DCDC2C: variants seen among roughly 807,000 people sequenced by gnomAD.
DCDC2C encodes the protein doublecortin domain containing 2C.
DCDC2C carries 44 observed loss-of-function variants against 45.0 expected under a neutral mutation model. The observed-to-expected ratio is 0.98, with a 90% CI of 0.77 to 1.26. DCDC2C has a LOEUF of 1.26. Among genes scored for constraint, DCDC2C ranks in the 50% most tolerant of loss-of-function variants. DCDC2C has a pLI of 0.00. For missense variants in DCDC2C, 447 were observed against 468.9 expected, an observed-to-expected ratio of 0.95 and a Z score of 0.43; for synonymous variants, 187 against 178.8, an observed-to-expected ratio of 1.05 and a Z score of -0.37.
In DCDC2C at chr2:3,703,625, G is replaced by T. The variant is rs1667933623; in HGVS notation, c.-127G>T. ...CCCGTCCCGTCCCCGTCCCGTCCCC[G>T]TCCTGCGCCAGCGGCTGGAGCGGAC... On this transcript the variant is annotated 5_prime_UTR_variant, in exon 1 of 11. Coordinates refer to ENST00000399143, the MANE Select transcript of DCDC2C (RefSeq NM_001287444.2). The surrounding 1 kb of genome is among the most constrained non-coding windows in gnomAD (Gnocchi z 4.4). 1.0e-6 allele frequency: 1 copy of T among 957,514 alleles called. No homozygotes were observed. Among genetic ancestry groups the T allele is most frequent in the East Asian group, 3.7e-5 (1 of 27,152 alleles). 59.3% of individuals were successfully genotyped at this position (957,514 alleles called of 1,614,324 possible).
chr2:3,834,785 AAG>A (rs1189814195), intron 10 of DCDC2C, among the ~76,000 whole-genome samples: 2 of 152,198 alleles, frequency 1.3e-5, no homozygotes, highest in African/African-American at 4.8e-5. Flanking sequence ...ACAGAATGAA[AAG>A]AGTCTGGCCC....
chr2:3,795,209 GTTGT>G (rs1419255723), intron 10 of DCDC2C, among the ~76,000 whole-genome samples: 2 of 151,954 alleles, frequency 1.3e-5, no homozygotes, highest in Admixed American at 6.6e-5. Flanking sequence ...TTTTGATGGG[GTTGT>G]TTGTTTTTTT....
At chr2:3,801,564 A>T (rs1202972048) in intron 10 of DCDC2C, among the ~76,000 whole-genome samples, 1 of 152,258 alleles carries the variant, frequency 6.6e-6, no homozygotes, top group Non-Finnish European at 1.5e-5. Flanking sequence ...GAAAAATGAC[A>T]GTTGTATTTA....
At chr2:3,841,704 G>A (rs1392436393) in intron 10 of DCDC2C, among the ~76,000 whole-genome samples, 2 of 152,204 alleles carry the variant, frequency 1.3e-5, no homozygotes, top group Non-Finnish European at 2.9e-5. Context: ...GCAGGAGGGC[G>A]CTAAGTTAGC....
chr2:3,806,328 G>A (rs1191541689), intron 10 of DCDC2C, among the ~76,000 whole-genome samples: 1 of 152,214 alleles, frequency 6.6e-6, no homozygotes, highest in East Asian at 1.9e-4. Flanking sequence ...CCCCACGGTT[G>A]CTACTGGTGT....
At chr2:3,801,998 G>A (rs1241298176) in intron 10 of DCDC2C, among the ~76,000 whole-genome samples, 8 of 152,182 alleles carry the variant, frequency 5.3e-5, no homozygotes, top group Non-Finnish European at 1.0e-4. Flanking sequence ...TCCCATCAAT[G>A]TCATGTTCCT....
chr2:3,813,063 ATATAT>A (rs1243007487), intron 10 of DCDC2C, among the ~76,000 whole-genome samples: 64 of 16,794 alleles, frequency 3.8e-3, no homozygotes, highest in South Asian at 6.7e-3. Context: ...ATATATATAT[ATATAT>A]TTTTTTTTTT....
chr2:3,826,000 G>A, intron 10 of DCDC2C, among the ~76,000 whole-genome samples: 1 of 152,154 alleles, frequency 6.6e-6, no homozygotes, highest in East Asian at 1.9e-4. Flanking sequence ...TCTGTTTCAG[G>A]AAAACAATTC....
chr2:3,796,879 T>C (rs1465434497), intron 10 of DCDC2C, among the ~76,000 whole-genome samples: 7 of 152,056 alleles, frequency 4.6e-5, no homozygotes, highest in Admixed American at 4.6e-4. Context: ...TGATGCTGGC[T>C]TCATAAAATG....
chr2:3,825,096 G>A (rs535854899), intron 10 of DCDC2C, among the ~76,000 whole-genome samples: 14 of 152,252 alleles, frequency 9.2e-5, no homozygotes, highest in Admixed American at 2.6e-4. Context: ...GGTTTCCTGC[G>A]GCAGTGGGCT....
chr2:3,818,460 G>A lies in DCDC2C; in HGVS notation c.1066-28694G>A, dbSNP rs531820608. On this transcript the variant is annotated intron_variant, in intron 10 of 10. Coordinates refer to ENST00000399143, the MANE Select transcript of DCDC2C (RefSeq NM_001287444.2). This position sits in a 1 kb window ranked among gnomAD's most constrained non-coding sequence, Gnocchi z 4.7. ...GGAGAGTATATGGCTTTGGCACCAC[G>A]GGGTGGATAGGCAAGACAATTTGGT... Among the ~76,000 whole-genome samples, 13 of 152,178 alleles carry A rather than the reference G, an allele frequency of 8.5e-5. No homozygotes were observed. The highest frequency in any genetic ancestry group is 1.9e-4 in the African/African-American group (8 of 41,436).
At chr2:3,847,118 A>G in intron 10 of DCDC2C, 36 bp from the exon 11 acceptor site, 1 of 1,227,538 alleles carries the variant, frequency 8.1e-7, no homozygotes, top group Non-Finnish European at 1.0e-6. Context: ...CAGCTTGAAG[A>G]TGTTCTCTGT....
At chr2:3,760,125 C>T (rs985749960) in intron 6 of DCDC2C, among the ~76,000 whole-genome samples, 2 of 152,226 alleles carry the variant, frequency 1.3e-5, no homozygotes, top group African/African-American at 4.8e-5. Context: ...CCTTCCAAGG[C>T]CATGAAGTTC....
intron 4 of DCDC2C, among the ~76,000 whole-genome samples, chr2:3,751,042 C>T (rs1669528857): frequency 6.6e-6 from 1 of 152,224 alleles, no homozygotes; most frequent in African/African-American, 2.4e-5. Context: ...TGTTTCACAT[C>T]AGTATTTCTA....
intron 3 of DCDC2C, among the ~76,000 whole-genome samples, chr2:3,730,400 T>C (rs962022245): frequency 1.3e-5 from 2 of 152,224 alleles, no homozygotes; most frequent in Non-Finnish European, 2.9e-5. Context: ...TTGTAAGCTG[T>C]GTTAGCTATT....
chr2:3,815,148 G>A (rs10190477), intron 10 of DCDC2C, among the ~76,000 whole-genome samples: 34,916 of 152,164 alleles, frequency 0.23, 4,150 homozygotes, highest in South Asian at 0.35. Flanking sequence ...GGATTGGTAC[G>A]CTAGGTCCCA....
chr2:3,754,502 C>G lies in DCDC2C; in HGVS notation c.684-90C>G. ...GCTTGCTCCTCCTCGTGGTCACTTCCCTCCTAAAGACAAGGCTGCAGTCTG... is the reference window on the plus strand; with the variant it reads ...GCTTGCTCCTCCTCGTGGTCACTTCGCTCCTAAAGACAAGGCTGCAGTCTG... On this transcript the variant is annotated intron_variant, in intron 5 of 10. Coordinates refer to ENST00000399143, the MANE Select transcript of DCDC2C (RefSeq NM_001287444.2). 8 of 1,320,648 alleles carry G rather than the reference C, an allele frequency of 6.1e-6. No homozygotes were observed. In the South Asian group the frequency reaches 1.1e-4, roughly 18 times the overall value. 81.8% of individuals were successfully genotyped at this position (1,320,648 alleles called of 1,614,324 possible).
intron 3 of DCDC2C, among the ~76,000 whole-genome samples, chr2:3,740,193 T>G (rs1669160911): frequency 6.6e-6 from 1 of 152,272 alleles, no homozygotes; most frequent in South Asian, 2.1e-4. Context: ...TAATTTATGG[T>G]GTGGCTGTGG....
intron 8 of DCDC2C, among the ~76,000 whole-genome samples, chr2:3,771,843 T>C (rs1242260095): frequency 6.6e-6 from 1 of 152,236 alleles, no homozygotes; most frequent in African/African-American, 2.4e-5. Flanking sequence ...TCAGGGTGAC[T>C]GGCATACCCA....
Sources: allele counts gnomAD v4.1 joint callset (sites outside exome capture counted in the v4.1 genomes callset), GRCh38; gene constraint gnomAD v4.1.1; non-coding constraint Gnocchi (gnomAD v3.1); transcripts MANE v1.5; gene names NCBI Gene and HGNC (gene_info 2026-07-23, HGNC 2026-07-21).